Variants in GFY observed in about 807,000 individuals in gnomAD.
GFY encodes golgi associated olfactory signaling regulator.
In GFY, 28 loss-of-function variants were observed where a neutral mutation model predicts 29.1. The observed-to-expected ratio is 0.96, with a 90% confidence interval of 0.71 to 1.32. The LOEUF is 1.32. GFY is among the 40% of genes most tolerant of loss of function. GFY has a pLI of 0.00. For missense variants in GFY, 656 were observed against 661.9 expected, an observed-to-expected ratio of 0.99 and a Z score of 0.10; for synonymous variants, 277 against 274.5, an observed-to-expected ratio of 1.01 and a Z score of -0.09.
In GFY at chr19:49,426,660, C is replaced by G; in HGVS notation, c.230C>G (p.Ser77Cys). The change falls in exon 2 of 4, where the codon TCC becomes TGC. Residue 77 changes from serine (S) to cysteine (C), a missense_variant. By Grantham distance (112) the Ser-to-Cys change is moderately radical. Coordinates refer to ENST00000610896, the MANE Select transcript of GFY (RefSeq NM_001195256.2). ...CCTTCCAAGCTACCTCATACGGTTT[C>G]CCTGGAAACCTTCCCACTTGACTTC... ...PEPSKLPHTV[S>C]LETFPLDFTE... The G allele has an allele frequency of 6.5e-7, 1 of 1,536,114 alleles. No individual in the cohort carries two copies. Among genetic ancestry groups the G allele is most frequent in the South Asian group, 1.2e-5 (1 of 84,038 alleles).
At position 49,428,070 on chromosome 19, in the gene GFY, A is replaced by T; in HGVS notation, c.1308A>T (p.Arg436Ser). The change falls in exon 3 of 4, where the codon AGA becomes AGT. Residue 436 changes from arginine (R) to serine (S), a missense_variant. By Grantham distance (110) the Arg-to-Ser change is moderately radical (BLOSUM62 -1). Coordinates refer to ENST00000610896, the MANE Select transcript of GFY (RefSeq NM_001195256.2). ...LLWCLYRRAA[R>S]QRPFAHHRLP... ...GGTGTCTTTACCGCCGGGCAGCTAG[A>T]CAGCGGCCCTTCGCACATCACCGGC... 6.5e-7 allele frequency: 1 copy of T among 1,535,450 alleles called. No homozygotes were observed.
chr19:49,427,835 G>T (rs928997891), intron 2 of GFY, 111 bp from the exon 3 acceptor site: 27 of 1,363,716 alleles, frequency 2.0e-5, no homozygotes, highest in Non-Finnish European at 2.6e-5. Context: ...GAGGGAGAAG[G>T]GTTTGGGAAC....
rs1472782678 is a variant in GFY, at chr19:49,428,675, ACCTGGGTC to A, written c.1418_1425del (p.Trp473PhefsTer58). 2 of 1,529,382 alleles carry A rather than the reference ACCTGGGTC, an allele frequency of 1.3e-6. No homozygotes were observed. The highest frequency in any genetic ancestry group is 1.7e-6 in the Non-Finnish European group (2 of 1,143,648). 94.7% of individuals were successfully genotyped at this position (1,529,382 alleles called of 1,614,324 possible). A position where few individuals can be genotyped will look rare whatever the true frequency, so the allele number is the denominator to read the frequency against. ...CGACCTCTACTTTTATGCTCCGGAT[ACCTGGGTC>A]CCTTCCCACATCGCCACCAAGCAGC... On this transcript the variant is annotated frameshift_variant, in exon 4 of 4. Coordinates refer to ENST00000610896, the MANE Select transcript of GFY (RefSeq NM_001195256.2). LOFTEE classifies it high-confidence loss of function.
At position 49,427,586 on chromosome 19, in the gene GFY, A is replaced by T; in HGVS notation, c.1156A>T (p.Ile386Phe). Residue 386 changes from isoleucine (I) to phenylalanine (F), a missense_variant, in exon 2 of 4, where the codon ATC becomes TTC. Coordinates refer to ENST00000610896, the MANE Select transcript of GFY (RefSeq NM_001195256.2). Reference protein sequence around the residue: ...HSRGEGVNTIIVVERVKETGV... With the variant: ...HSRGEGVNTIFVVERVKETGV... Reference sequence around the variant, plus strand: ...CCGAGGTGAGGGAGTCAACACCATCATCGTGGTGGAGCGAGTGAAGGAGAC... The same window carrying T: ...CCGAGGTGAGGGAGTCAACACCATCTTCGTGGTGGAGCGAGTGAAGGAGAC... 6.7e-7 allele frequency: 1 copy of T among 1,481,938 alleles called. No individual in the cohort carries two copies. The highest frequency in any genetic ancestry group is 8.9e-7 in the Non-Finnish European group (1 of 1,122,930). 91.8% of individuals were successfully genotyped at this position (1,481,938 alleles called of 1,614,324 possible).
In GFY at chr19:49,426,664, G is replaced by A. The variant is rs572620757; in HGVS notation, c.234G>A (p.Leu78=). The change falls in exon 2 of 4, where the codon CTG becomes CTA. Residue 78 remains leucine (L), a synonymous_variant. Transcript: ENST00000610896. ...CCAAGCTACCTCATACGGTTTCCCTGGAAACCTTCCCACTTGACTTCACTG... is the reference window on the plus strand; with the variant it reads ...CCAAGCTACCTCATACGGTTTCCCTAGAAACCTTCCCACTTGACTTCACTG... ...EPSKLPHTVS[L]ETFPLDFTEP... 7 of 1,535,832 alleles carry A rather than the reference G, an allele frequency of 4.6e-6. No homozygotes were observed. In the African/African-American group the frequency reaches 9.6e-5, roughly 21 times the overall value.
rs568115480 is a variant in GFY, at chr19:49,428,789, C to G, written c.1528C>G (p.Pro510Ala). 258 of 1,476,380 alleles carry G rather than the reference C, an allele frequency of 1.7e-4. 1 individual carries two copies. Among genetic ancestry groups the G allele is most frequent in the Non-Finnish European group, 2.2e-4 (242 of 1,115,860 alleles). The allele number at this position is 1,476,380 out of a possible 1,614,324, so 91.5% of individuals were successfully genotyped here. A position where few individuals can be genotyped will look rare whatever the true frequency, so the allele number is the denominator to read the frequency against. The change falls in exon 4 of 4, where the codon CCC (proline) becomes GCC (alanine). Residue 510 changes from proline (P) to alanine (A), a missense_variant. Coordinates refer to ENST00000610896, the MANE Select transcript of GFY (RefSeq NM_001195256.2). Reference protein sequence around the residue: ...GRPQRLEALSPATLPNNFV With the variant: ...GRPQRLEALSAATLPNNFV ...CCCGCAGCGTCTGGAGGCCCTGTCC[C>G]CCGCCACGCTCCCCAACAACTTCGT...
upstream of GFY, chr19:49,424,126 A>T (rs1032712343): frequency 2.0e-5 from 3 of 152,364 alleles, no homozygotes; most frequent in Non-Finnish European, 2.9e-5. Flanking sequence ...GAAGAGGGGA[A>T]AACAGACAGG....
In GFY at chr19:49,426,557, TCC is replaced by T. The variant is rs1975074585; in HGVS notation, c.130_131del (p.Pro44SerfsTer6). The T allele has an allele frequency of 4.6e-6, 7 of 1,535,900 alleles. No homozygotes were observed. The highest frequency in any genetic ancestry group is 1.7e-4 in the Middle Eastern group (1 of 6,010). On this transcript the variant is annotated frameshift_variant, in exon 2 of 4. Transcript: ENST00000610896. LOFTEE classifies it high-confidence loss of function. Reference sequence around the variant, plus strand: ...GGACATGGCCCACCCCTCTGAGACTTCCCCTCTGAAGGGTGCTTCTGAAAATT... The same window carrying T: ...GGACATGGCCCACCCCTCTGAGACTTCCTCTGAAGGGTGCTTCTGAAAATT... ...FPDMAHPSETSPLKGASENSK... is the reference protein window; with the variant it reads ...FPDMAHPSETXPLKGASENSK...
intron 1 of GFY, among the ~76,000 whole-genome samples, 181 bp from the exon 2 acceptor site, chr19:49,426,229 G>A (rs979997506): frequency 6.6e-6 from 1 of 152,198 alleles, no homozygotes; most frequent in African/African-American, 2.4e-5. Context: ...TTGGCTACCT[G>A]GGCCATCGCC....
rs1384471308 is a variant in GFY at position 49,427,508 on chromosome 19, G to C, written c.1078G>C (p.Gly360Arg). The C allele has an allele frequency of 6.5e-7, 1 of 1,531,376 alleles. No individual in the cohort carries two copies. Among genetic ancestry groups the C allele is most frequent in the Non-Finnish European group, 8.7e-7 (1 of 1,144,180 alleles). 94.9% of individuals were successfully genotyped at this position (1,531,376 alleles called of 1,614,324 possible). ...ARIAGPPALP[G>R]RPSQLAPATL... ...GATTGCAGGTCCCCCTGCTCTTCCA[G>C]GGCGCCCCAGTCAGTTGGCCCCTGC... The change falls in exon 2 of 4, where the codon GGG (glycine) becomes CGG (arginine). Residue 360 changes from glycine (G) to arginine (R), a missense_variant. Physicochemically the swap from Gly to Arg is moderately radical, Grantham distance 125. Coordinates refer to ENST00000610896, the MANE Select transcript of GFY (RefSeq NM_001195256.2).
rs948051463 is a variant in GFY at position 49,426,968 on chromosome 19, G to T, written c.538G>T (p.Glu180Ter). Residue 180 changes from glutamate (E) to a stop codon, truncating the protein, a stop_gained, in exon 2 of 4, where the codon GAA becomes TAA. Transcript: ENST00000610896. LOFTEE classifies it high-confidence loss of function. ...NTDLMQTTPQESPEILQLNAT... is the reference protein window; with the variant it reads ...NTDLMQTTPQ ...TGACCTTATGCAAACTACACCCCAA[G>T]AATCCCCAGAGATTCTGCAGCTTAA... 1 of 1,535,314 alleles carries T rather than the reference G, an allele frequency of 6.5e-7. No homozygotes were observed. The highest frequency in any genetic ancestry group is 1.4e-5 in the African/African-American group (1 of 72,736).
Position 49,427,472 on chromosome 19 carries a change from C to G in GFY, c.1042C>G (p.Pro348Ala). The G allele has an allele frequency of 6.5e-7, 1 of 1,535,240 alleles. No individual in the cohort carries two copies. Among genetic ancestry groups the G allele is most frequent in the Non-Finnish European group, 8.7e-7 (1 of 1,146,312 alleles). The change falls in exon 2 of 4, where the codon CCC becomes GCC. Residue 348 changes from proline to alanine, a missense_variant. Pro to Ala is a conservative substitution (Grantham distance 27). Transcript: ENST00000610896. Reference sequence around the variant, plus strand: ...CCCTAAGGAGTCCAACGTCCCTCCTCCCTCAGCCCGGATTGCAGGTCCCCC... The same window carrying G: ...CCCTAAGGAGTCCAACGTCCCTCCTGCCTCAGCCCGGATTGCAGGTCCCCC... ...SGPKESNVPP[P>A]SARIAGPPAL...
In GFY at chr19:49,427,527, C is replaced by A. The variant is rs1300811047; in HGVS notation, c.1097C>A (p.Ala366Asp). ...PALPGRPSQLAPATLRAPQRH... is the reference protein window; with the variant it reads ...PALPGRPSQLDPATLRAPQRH... The stretch of plus-strand genomic sequence containing the variant: ...CTTCCAGGGCGCCCCAGTCAGTTGG[C>A]CCCTGCCACTCTGCGGGCACCCCAG... The change falls in exon 2 of 4, where the codon GCC (alanine) becomes GAC (aspartate). Residue 366 changes from alanine (A) to aspartate (D), a missense_variant. Coordinates refer to ENST00000610896, the MANE Select transcript of GFY (RefSeq NM_001195256.2). 15 of 1,523,852 alleles carry A rather than the reference C, an allele frequency of 9.8e-6. No homozygotes were observed. Among genetic ancestry groups the A allele is most frequent in the Non-Finnish European group, 1.3e-5 (15 of 1,140,910 alleles). 94.4% of individuals were successfully genotyped at this position (1,523,852 alleles called of 1,614,324 possible).
upstream of GFY, chr19:49,425,368 T>A (rs1757910253): frequency 6.6e-6 from 1 of 151,980 alleles, no homozygotes; most frequent in South Asian, 2.1e-4. Context: ...GGGGGTGAGG[T>A]GCGTCACCTG....
chr19:49,428,830 T>C lies in GFY; in HGVS notation c.*12T>C, dbSNP rs1322295837. The C allele has an allele frequency of 7.0e-7, 1 of 1,426,202 alleles. No homozygotes were observed. The highest frequency in any genetic ancestry group is 1.5e-5 in the African/African-American group (1 of 68,810). The allele number at this position is 1,426,202 out of a possible 1,614,324, so 88.3% of individuals were successfully genotyped here. ...ACAACTTCGTGTGAGCCCCACCGAG[T>C]TCTGCCGGACCTGCACATCCCCACA... is the stretch of plus-strand genomic sequence containing the variant. On this transcript the variant is annotated 3_prime_UTR_variant, in exon 4 of 4. Transcript: ENST00000610896.
At chr19:49,424,548 C>T (rs1975053873), upstream of GFY, among the ~76,000 whole-genome samples, 1 of 151,938 alleles carries the variant, frequency 6.6e-6, no homozygotes, top group African/African-American at 2.4e-5. Context: ...CCAGTCCACA[C>T]TGACTCTTAA....
Position 49,426,351 on chromosome 19 carries a change from T to G in GFY, c.-21-59T>G, listed in dbSNP as rs980244267. On this transcript the variant is annotated intron_variant, in intron 1 of 3. Transcript: ENST00000610896. ...TTCCAGTGGGCGTGGCCTCCGGGAG[T>G]GGGCGGGGCTCCTGGGAGCCTTCGG... The G allele has an allele frequency of 2.1e-6, 3 of 1,442,054 alleles. No homozygotes were observed. The African/African-American group carries it at 4.3e-5, about 21-fold the overall frequency. The allele number at this position is 1,442,054 out of a possible 1,614,324, so 89.3% of individuals were successfully genotyped here. A position where few individuals can be genotyped will look rare whatever the true frequency, so the allele number is the denominator to read the frequency against.
rs1213213465 is a variant in GFY at position 49,426,689 on chromosome 19, G to T, written c.259G>T (p.Glu87Ter). 2 of 1,535,514 alleles carry T rather than the reference G, an allele frequency of 1.3e-6. No individual in the cohort carries two copies. The highest frequency in any genetic ancestry group is 1.7e-6 in the Non-Finnish European group (2 of 1,146,774). The change falls in exon 2 of 4, where the codon GAG becomes TAG. Residue 87 changes from glutamate to a stop codon, truncating the protein, a stop_gained. Coordinates refer to ENST00000610896, the MANE Select transcript of GFY (RefSeq NM_001195256.2). LOFTEE classifies it high-confidence loss of function. ...SLETFPLDFT[E>*]PLNPDLRETP... ...GGAAACCTTCCCACTTGACTTCACT[G>T]AGCCCCTCAACCCTGACCTCCGAGA... is the stretch of plus-strand genomic sequence containing the variant.
chr19:49,426,461 G>T lies in GFY; in HGVS notation c.31G>T (p.Val11Phe). The T allele has an allele frequency of 2.0e-6, 3 of 1,535,600 alleles. No homozygotes were observed. The highest frequency in any genetic ancestry group is 2.6e-6 in the Non-Finnish European group (3 of 1,146,650). ...ATCATTCAGCCGGATCCTCTTCCTC[G>T]TCTTCCTCCTCGCCGGCCTGAGGTC... Reference protein sequence around the residue: MKSFSRILFLVFLLAGLRSKA... With the variant: MKSFSRILFLFFLLAGLRSKA... The change falls in exon 2 of 4, where the codon GTC becomes TTC. Residue 11 changes from valine (V) to phenylalanine (F), a missense_variant. Val to Phe is a conservative substitution (Grantham distance 50, BLOSUM62 -1). Coordinates refer to ENST00000610896, the MANE Select transcript of GFY (RefSeq NM_001195256.2).
Sources: allele counts gnomAD v4.1 joint callset (sites outside exome capture counted in the v4.1 genomes callset), GRCh38; gene constraint gnomAD v4.1.1; transcripts MANE v1.5; gene names NCBI Gene and HGNC (gene_info 2026-07-23, HGNC 2026-07-21).